Variants in RPA1 observed in about 807,000 individuals in gnomAD.
RPA1 encodes replication protein A 70 kDa DNA-binding subunit.
In RPA1, 49 loss-of-function variants were observed where a neutral mutation model predicts 83.0. The ratio of observed to expected loss-of-function variants is 0.59; its 90% confidence interval spans 0.47 to 0.75. RPA1 has a LOEUF of 0.75. Among genes scored for constraint, RPA1 ranks in the 30% least tolerant of loss-of-function variants. The pLI is 0.00. For synonymous variants in RPA1, 279 were observed against 281.8 expected, an observed-to-expected ratio of 0.99 and a Z score of 0.10; for missense variants, 693 against 776.1, an observed-to-expected ratio of 0.89 and a Z score of 1.27.
At chr17:1,892,783 T>A (rs1381574899) in intron 15 of RPA1, among the ~76,000 whole-genome samples, 1 of 152,242 alleles carries the variant, frequency 6.6e-6, no homozygotes, top group East Asian at 1.9e-4. Context: ...GTAAGGTAAC[T>A]TTGTCCATTT....
intron 13 of RPA1, among the ~76,000 whole-genome samples, chr17:1,886,522 G>A (rs1226387751): frequency 3.3e-5 from 5 of 152,154 alleles, no homozygotes; most frequent in Non-Finnish European, 4.4e-5. Context: ...TTCTGTCTAC[G>A]TTGAAAATCT....
At chr17:1,893,825 A>G (rs949995419) in intron 15 of RPA1, among the ~76,000 whole-genome samples, 2 of 152,004 alleles carry the variant, frequency 1.3e-5, no homozygotes, top group African/African-American at 2.4e-5. Flanking sequence ...GGCTGAAATC[A>G]CGAATTATAT....
intron 7 of RPA1, 126 bp downstream of exon 7, chr17:1,875,919 ACTCTT>A: frequency 1.7e-5 from 15 of 859,436 alleles, no homozygotes; most frequent in Middle Eastern, 4.0e-4. Flanking sequence ...GAATGGGTTT[ACTCTT>A]TTTTTTTTTT....
Position 1,894,999 on chromosome 17 carries a change from G to T in RPA1, c.1660-10G>T. 6.2e-7 allele frequency: 1 copy of T among 1,611,048 alleles called. No individual in the cohort carries two copies. Among genetic ancestry groups the T allele is most frequent in the East Asian group, 2.2e-5 (1 of 44,722 alleles). ...TTTCCATGTGTCAAGTTTTATGTTT[G>T]TTTTTGCAGAATGAACAGGCATTTG... On this transcript the variant is annotated splice_polypyrimidine_tract_variant and intron_variant, in intron 15 of 16. Transcript: ENST00000254719.
chr17:1,858,421 A>T (rs377261881), intron 5 of RPA1: 8 of 1,561,872 alleles, frequency 5.1e-6, no homozygotes, highest in East Asian at 4.5e-5. Flanking sequence ...ATGACGACCA[A>T]CGTGTCTCAG....
intron 4 of RPA1, among the ~76,000 whole-genome samples, chr17:1,849,037 A>T (rs534725061): frequency 9.9e-5 from 15 of 152,118 alleles, no homozygotes; most frequent in Non-Finnish European, 2.1e-4. Context: ...TCTTTTATAG[A>T]TAATCTGTCT....
intron 1 of RPA1, among the ~76,000 whole-genome samples, chr17:1,836,928 C>T (rs888261404): frequency 1.7e-4 from 26 of 151,662 alleles, no homozygotes; most frequent in African/African-American, 5.8e-4. Context: ...ACCTCTGCCT[C>T]CTGGGTTGAA....
In RPA1 at chr17:1,873,763, C is replaced by T. The variant is rs140546696; in HGVS notation, c.454+1237C>T. On this transcript the variant is annotated intron_variant, in intron 6 of 16. Transcript: ENST00000254719. The stretch of plus-strand genomic sequence containing the variant: ...CAGCACTCTGGGAGGCCGAGGTGGA[C>T]GGATCACTTGAGGTCAGGAGTTCGA... Among the ~76,000 whole-genome samples the T allele has an allele frequency of 1.5e-4, 22 of 151,208 alleles. No homozygotes were observed. The South Asian group carries it at 2.1e-3, about 14-fold the overall frequency.
chr17:1,891,117 C>T (rs575046644), intron 14 of RPA1, among the ~76,000 whole-genome samples: 1 of 152,294 alleles, frequency 6.6e-6, no homozygotes, highest in African/African-American at 2.4e-5. Context: ...TAAAGAAAAA[C>T]CACTCGTGTT....
intron 8 of RPA1, 99 bp downstream of exon 8, chr17:1,877,413 G>A: frequency 9.7e-7 from 1 of 1,034,694 alleles, no homozygotes; most frequent in Non-Finnish European, 1.5e-6. Context: ...GAAACAGAAG[G>A]CTCAGCTCTG....
intron 13 of RPA1, among the ~76,000 whole-genome samples, chr17:1,887,635 C>A (rs943551885): frequency 6.6e-6 from 1 of 151,492 alleles, no homozygotes; most frequent in African/African-American, 2.4e-5. Flanking sequence ...CTCCTATAAT[C>A]CTAGCACTTC....
intron 15 of RPA1, among the ~76,000 whole-genome samples, chr17:1,894,220 G>T (rs1914308502): frequency 6.6e-6 from 1 of 151,238 alleles, no homozygotes; most frequent in African/African-American, 2.4e-5. Context: ...ATGCTGGAGT[G>T]CAGTAGTGCA....
rs1016572951 is a variant in RPA1 at position 1,897,617 on chromosome 17, G to A, written c.*442G>A. 6.8e-5 allele frequency: 11 copies of A among 161,602 alleles called. No individual in the cohort carries two copies. Among genetic ancestry groups the A allele is most frequent in the Admixed American group, 2.3e-4 (4 of 17,654 alleles). 10.0% of individuals were successfully genotyped at this position (161,602 alleles called of 1,614,324 possible). A position where few individuals can be genotyped will look rare whatever the true frequency, so the allele number is the denominator to read the frequency against. On this transcript the variant is annotated 3_prime_UTR_variant, in exon 17 of 17. Transcript: ENST00000254719. ...GGGGCGAGCTGAGAAGCGGTCATGA[G>A]CACCTGGGGATTTTAGTAAGTGTGT...
chr17:1,864,905 AT>A (rs1913123107), intron 5 of RPA1, among the ~76,000 whole-genome samples: 1 of 152,208 alleles, frequency 6.6e-6, no homozygotes, highest in Admixed American at 6.5e-5. Context: ...TCTCAAAAAA[AT>A]AAAATAAAAA....
intron 14 of RPA1, among the ~76,000 whole-genome samples, chr17:1,891,122 C>T (rs1265730623): frequency 6.6e-6 from 1 of 152,178 alleles, no homozygotes. Context: ...AAAAACCACT[C>T]GTGTTTCTAC....
At chr17:1,891,211 A>G (rs111700503) in intron 14 of RPA1, among the ~76,000 whole-genome samples, 586 of 152,320 alleles carry the variant, frequency 3.8e-3, no homozygotes, top group Admixed American at 6.1e-3. Context: ...GTTACACCAC[A>G]GCCCAGTGGG....
intron 5 of RPA1, chr17:1,858,470 C>CTTTT: frequency 2.1e-6 from 2 of 964,732 alleles, no homozygotes; most frequent in Non-Finnish European, 3.1e-6. Context: ...CTCTCTTTTT[C>CTTTT]TTTTTTTTTT....
intron 5 of RPA1, among the ~76,000 whole-genome samples, chr17:1,855,008 G>C (rs898514230): frequency 6.6e-6 from 1 of 152,160 alleles, no homozygotes; most frequent in Non-Finnish European, 1.5e-5. Context: ...TTTTCTTAGA[G>C]TCTTTTTATC....
At chr17:1,874,800 A>C (rs1169213617) in intron 6 of RPA1, among the ~76,000 whole-genome samples, 1 of 152,246 alleles carries the variant, frequency 6.6e-6, no homozygotes, top group African/African-American at 2.4e-5. Context: ...ACTAATTACT[A>C]CGAATGCCTA....
Sources: allele counts gnomAD v4.1 joint callset (sites outside exome capture counted in the v4.1 genomes callset), GRCh38; gene constraint gnomAD v4.1.1; transcripts MANE v1.5; gene names NCBI Gene and HGNC (gene_info 2026-07-23, HGNC 2026-07-21).